The following ST14 variants were observed in gnomAD, a reference collection of about 807,000 sequenced individuals.
ST14 encodes suppressor of tumorigenicity 14 protein.
Under a neutral mutation model 96.5 loss-of-function variants are expected in ST14, and 40 were observed. The ratio of observed to expected loss-of-function variants is 0.41; its 90% confidence interval spans 0.32 to 0.54. The LOEUF (loss-of-function observed/expected upper bound fraction) is 0.54. Among genes scored for constraint, ST14 ranks in the 20% least tolerant of loss-of-function variants. The pLI, the probability that ST14 is intolerant of heterozygous loss-of-function variation, is 0.17. For synonymous variants in ST14, 506 were observed against 492.1 expected (o/e 1.03, Z -0.37); for missense variants, 1,066 against 1,188.9 (o/e 0.90, Z 1.52).
rs1953392749 is a variant in ST14, at chr11:130,198,498, G to A, written c.1571-10G>A. The A allele has an allele frequency of 6.2e-7, 1 of 1,613,884 alleles. No individual in the cohort carries two copies. The highest frequency in any genetic ancestry group is 8.5e-7 in the Non-Finnish European group (1 of 1,179,892). On this transcript the variant is annotated splice_polypyrimidine_tract_variant and intron_variant, in intron 13 of 18. Transcript: ENST00000278742. ...TGGCTCCTGGTGGCTGAGTCCTGGT[G>A]CCTCTCCAGGTTGTCCGGCCCAGAC...
intron 1 of ST14, among the ~76,000 whole-genome samples, chr11:130,173,855 G>T (rs1251521187): frequency 6.6e-6 from 1 of 152,122 alleles, no homozygotes; most frequent in African/African-American, 2.4e-5. Context: ...GCCAGCCAGG[G>T]TGTCCCTACC....
intron 16 of ST14, among the ~76,000 whole-genome samples, chr11:130,202,320 C>G (rs1453740622): frequency 6.6e-6 from 1 of 152,176 alleles, no homozygotes; most frequent in Non-Finnish European, 1.5e-5. Context: ...ACTAGAGAGA[C>G]CAACATGAAT....
At chr11:130,179,466 CA>C (rs1028802813) in intron 1 of ST14, among the ~76,000 whole-genome samples, 1 of 152,190 alleles carries the variant, frequency 6.6e-6, no homozygotes, top group African/African-American at 2.4e-5. Flanking sequence ...GCCCATCGGT[CA>C]TCCCCAGATA....
intron 18 of ST14, 23 bp downstream of exon 18, chr11:130,209,601 G>A (rs533872308): frequency 5.7e-6 from 9 of 1,587,432 alleles, no homozygotes; most frequent in South Asian, 1.1e-5. Flanking sequence ...GCAGGAGGGC[G>A]GCAGGTGGGC....
chr11:130,189,963 G>A (rs1565623859), intron 5 of ST14, 67 bp downstream of exon 5: 1 of 1,612,680 alleles, frequency 6.2e-7, no homozygotes, highest in Admixed American at 1.7e-5. Flanking sequence ...CTGGGCCCTG[G>A]ACCATTGCAG....
rs758552937 is a variant in ST14 at position 130,190,684 on chromosome 11, G to T, written c.865G>T (p.Ala289Ser). 12 of 1,587,372 alleles carry T rather than the reference G, an allele frequency of 7.6e-6. No homozygotes were observed. The highest frequency in any genetic ancestry group is 8.6e-7 in the Non-Finnish European group (1 of 1,167,736). The change falls in exon 7 of 19, where the codon GCC becomes TCC. Residue 289 changes from alanine to serine, a missense_variant. By Grantham distance (99) the Ala-to-Ser change is moderately conservative. Transcript: ENST00000278742. ...YNTLSPMEPHALVQLCGTYPP... is the reference protein window; with the variant it reads ...YNTLSPMEPHSLVQLCGTYPP... ...CACCCTGAGCCCCATGGAGCCCCACGCCCTGGTGCAGTGAGTACCCCGGGG... is the reference window on the plus strand; with the variant it reads ...CACCCTGAGCCCCATGGAGCCCCACTCCCTGGTGCAGTGAGTACCCCGGGG...
At chr11:130,194,821 G>T (rs1432118066) in intron 9 of ST14, 84 bp downstream of exon 9, 30 of 1,384,330 alleles carry the variant, frequency 2.2e-5, no homozygotes, top group Non-Finnish European at 2.8e-5. Flanking sequence ...GATGTGTGTG[G>T]ATGTGTGTGC....
chr11:130,209,953 C>A lies in ST14; in HGVS notation c.*130C>A. 8.9e-7 allele frequency: 1 copy of A among 1,128,902 alleles called. No homozygotes were observed. The highest frequency in any genetic ancestry group is 1.2e-6 in the Non-Finnish European group (1 of 801,966). 69.9% of individuals were successfully genotyped at this position (1,128,902 alleles called of 1,614,324 possible). A position where few individuals can be genotyped will look rare whatever the true frequency, so the allele number is the denominator to read the frequency against. On this transcript the variant is annotated 3_prime_UTR_variant, in exon 19 of 19. Coordinates refer to ENST00000278742, the MANE Select transcript of ST14 (RefSeq NM_021978.4). ...CCAGAACATACACTGTGAACTCAAT[C>A]TCCAGGGCTCCAAATCTGCCTAGAA...
Position 130,187,900 on chromosome 11 carries a change from T to C in ST14, c.82-214T>C, listed in dbSNP as rs968213159. 6.6e-6 allele frequency among the ~76,000 whole-genome samples: 1 copy of C among 152,194 alleles called. No homozygotes were observed. The highest frequency in any genetic ancestry group is 1.5e-5 in the Non-Finnish European group (1 of 68,036). ...AGATGCGTGGTTGGGAAGGCCGACC[T>C]CATGTTCCTCCCAGAGCATGCCCAG... On this transcript the variant is annotated intron_variant, in intron 1 of 18. Transcript: ENST00000278742. This position sits in a 1 kb window ranked among gnomAD's most constrained non-coding sequence, Gnocchi z 4.5.
intron 4 of ST14, 158 bp from the exon 5 acceptor site, chr11:130,189,581 G>C (rs766438103): frequency 1.1e-6 from 1 of 927,974 alleles, no homozygotes; most frequent in Admixed American, 2.4e-5. Context: ...TTGCTTTGGG[G>C]TGGAAAGAGG....
chr11:130,204,774 A>G (rs942721879), intron 16 of ST14, among the ~76,000 whole-genome samples: 1 of 152,122 alleles, frequency 6.6e-6, no homozygotes, highest in African/African-American at 2.4e-5. Context: ...AGATCATGCC[A>G]CTACACTCCA....
chr11:130,159,905 C>G lies in ST14; in HGVS notation c.-75C>G, dbSNP rs1952985537. On this transcript the variant is annotated 5_prime_UTR_variant, in exon 1 of 19. Coordinates refer to ENST00000278742, the MANE Select transcript of ST14 (RefSeq NM_021978.4). ...ATCCCGCCGCCTGCGCCCCGCGCCCCGCGCCCTGCGGGCCATGGGAGCCGG... is the reference window on the plus strand; with the variant it reads ...ATCCCGCCGCCTGCGCCCCGCGCCCGGCGCCCTGCGGGCCATGGGAGCCGG... 1 of 956,320 alleles carries G rather than the reference C, an allele frequency of 1.0e-6. No homozygotes were observed. The highest frequency in any genetic ancestry group is 1.7e-5 in the African/African-American group (1 of 57,732). The allele number at this position is 956,320 out of a possible 1,614,324, so 59.2% of individuals were successfully genotyped here.
chr11:130,164,807 A>G (rs1953028504), intron 1 of ST14, among the ~76,000 whole-genome samples: 1 of 151,276 alleles, frequency 6.6e-6, no homozygotes, highest in Non-Finnish European at 1.5e-5. Context: ...GTGTGATCTC[A>G]GCTCACCACA....
chr11:130,185,145 T>C (rs1254267041), intron 1 of ST14, among the ~76,000 whole-genome samples: 1 of 151,896 alleles, frequency 6.6e-6, no homozygotes, highest in East Asian at 1.9e-4. Flanking sequence ...AGATACTCAA[T>C]GGAAATATAA....
At chr11:130,190,015 T>G (rs1201891357) in intron 5 of ST14, 98 bp from the exon 6 acceptor site, 2 of 1,610,390 alleles carry the variant, frequency 1.2e-6, no homozygotes, top group Non-Finnish European at 1.7e-6. Context: ...GAGAGAAGAC[T>G]ACGTGCTGGC....
chr11:130,201,922 C>G (rs891918050), intron 16 of ST14, among the ~76,000 whole-genome samples: 1 of 152,216 alleles, frequency 6.6e-6, no homozygotes, highest in Non-Finnish European at 1.5e-5. Context: ...CTTTGATATG[C>G]CCCATTCTTT....
At chr11:130,172,077 G>A (rs1032860017) in intron 1 of ST14, among the ~76,000 whole-genome samples, 9 of 152,056 alleles carry the variant, frequency 5.9e-5, no homozygotes, top group African/African-American at 2.2e-4. Context: ...AGCTGCTGAA[G>A]TCTTGCTCTT....
rs757662442 is a variant in ST14 at position 130,188,193 on chromosome 11, G to T, written c.161G>T (p.Arg54Leu). ...VKKVEKHGPG[R>L]WVVLAAVLIG... ...AAGGTGGAAAAGCATGGCCCGGGGCGCTGGGTGGTGCTGGCAGCCGTGCTG... is the reference window on the plus strand; with the variant it reads ...AAGGTGGAAAAGCATGGCCCGGGGCTCTGGGTGGTGCTGGCAGCCGTGCTG... Residue 54 changes from arginine to leucine, a missense_variant, in exon 2 of 19, where the codon CGC becomes CTC. Transcript: ENST00000278742. The surrounding 1 kb of genome is among the most constrained non-coding windows in gnomAD (Gnocchi z 5.4). 2.5e-6 allele frequency: 4 copies of T among 1,614,074 alleles called. No homozygotes were observed. The highest frequency in any genetic ancestry group is 1.1e-5 in the South Asian group (1 of 91,082).
At chr11:130,201,856 A>G (rs1021764837) in intron 16 of ST14, among the ~76,000 whole-genome samples, 14 of 152,160 alleles carry the variant, frequency 9.2e-5, no homozygotes, top group African/African-American at 2.9e-4. Context: ...GGCATTACAG[A>G]TGTGAGCCAC....
Sources: allele counts gnomAD v4.1 joint callset (sites outside exome capture counted in the v4.1 genomes callset), GRCh38; gene constraint gnomAD v4.1.1; non-coding constraint Gnocchi (gnomAD v3.1); transcripts MANE v1.5; gene names NCBI Gene and HGNC (gene_info 2026-07-23, HGNC 2026-07-21).